Variants in ITSN1 observed in about 807,000 individuals in gnomAD.
ITSN1 encodes the protein intersectin 1.
A neutral mutation model predicts 239.8 loss-of-function variants in ITSN1; 58 were observed. The ratio of observed to expected loss-of-function variants is 0.24; its 90% CI spans 0.20 to 0.30. The LOEUF (loss-of-function observed/expected upper bound fraction) is 0.30. ITSN1 is among the 10% of genes least tolerant of loss of function. The pLI, the probability that ITSN1 is intolerant of heterozygous loss-of-function variation, is 1.00. For missense variants in ITSN1, 1,558 were observed against 2,103.3 expected (o/e 0.74, Z 5.07); for synonymous variants, 780 against 770.8 (o/e 1.01, Z -0.20).
In ITSN1 at chr21:33,865,328, C is replaced by T. The variant is rs143203952; in HGVS notation, c.4068C>T (p.Phe1356=). The change falls in exon 32 of 40, where the codon TTC becomes TTT. Residue 1356 remains phenylalanine, a synonymous_variant. Transcript: ENST00000381318. The surrounding 1 kb of genome is among the most constrained non-coding windows in gnomAD (Gnocchi z 4.4). ...ATGAGGCCCCAGACTTCAAGGAGTT[C>T]GTCAAAGTAAGGAGCCAGGCTGTGC... ...KTDEAPDFKE[F]VKRLAMDPRC... 30 of 1,560,022 alleles carry T rather than the reference C, an allele frequency of 1.9e-5. No individual in the cohort carries two copies. Among genetic ancestry groups the T allele is most frequent in the South Asian group, 1.4e-4 (12 of 83,906 alleles).
At chr21:33,793,120 G>T (rs1160920554) in intron 16 of ITSN1, among the ~76,000 whole-genome samples, 2 of 152,182 alleles carry the variant, frequency 1.3e-5, no homozygotes, top group African/African-American at 4.8e-5. Flanking sequence ...GTAGGAAAAG[G>T]TTAGCCTAAC....
At chr21:33,673,678 C>T (rs2146414758) in intron 1 of ITSN1, among the ~76,000 whole-genome samples, 1 of 152,306 alleles carries the variant, frequency 6.6e-6, no homozygotes, top group South Asian at 2.1e-4. Context: ...AGCTGTTTGT[C>T]CTCAGCTCAT....
chr21:33,829,302 T>C (rs765550380), intron 26 of ITSN1: 183 of 352,554 alleles, frequency 5.2e-4, no homozygotes, highest in Non-Finnish European at 8.3e-4. Flanking sequence ...TGGGTAATTA[T>C]GGGAGGGGTG....
At chr21:33,780,508 T>C (rs894682192) in intron 14 of ITSN1, among the ~76,000 whole-genome samples, 10 of 152,202 alleles carry the variant, frequency 6.6e-5, no homozygotes, top group Non-Finnish European at 1.2e-4. Flanking sequence ...GCTTCTAAAT[T>C]CTAGCTATTG....
chr21:33,656,733 CAG>C (rs1197935881), intron 1 of ITSN1, among the ~76,000 whole-genome samples: 3 of 152,194 alleles, frequency 2.0e-5, no homozygotes, highest in Admixed American at 6.5e-5. Context: ...ATTTATTTGG[CAG>C]AGTCTCACTC....
intron 25 of ITSN1, among the ~76,000 whole-genome samples, chr21:33,825,772 T>C (rs2073942337): frequency 6.6e-6 from 1 of 152,238 alleles, no homozygotes; most frequent in African/African-American, 2.4e-5. Context: ...AGTGAGAGAT[T>C]GCTTTTGTAT....
chr21:33,869,719 T>C (rs1602659038), intron 33 of ITSN1, among the ~76,000 whole-genome samples: 1 of 152,190 alleles, frequency 6.6e-6, no homozygotes, highest in African/African-American at 2.4e-5. Flanking sequence ...TTAGATCTGG[T>C]TCCTTTTAAT....
At position 33,735,125 on chromosome 21, in the gene ITSN1, A is replaced by G; in HGVS notation, c.267A>G (p.Leu89=). 1.9e-6 allele frequency: 3 copies of G among 1,613,992 alleles called. No homozygotes were observed. Among genetic ancestry groups the G allele is most frequent in the Non-Finnish European group, 1.7e-6 (2 of 1,179,858 alleles). The change falls in exon 5 of 40, where the codon CTA becomes CTG. Residue 89 remains leucine (L), a synonymous_variant. Transcript: ENST00000381318. ...SIAMKLIKLK[L]QGYQLPSALP... Reference sequence around the variant, plus strand: ...CTATGAAACTTATCAAACTGAAGCTACAAGGATATCAGCTACCCTCTGCAC... The same window carrying G: ...CTATGAAACTTATCAAACTGAAGCTGCAAGGATATCAGCTACCCTCTGCAC...
intron 1 of ITSN1, among the ~76,000 whole-genome samples, chr21:33,690,791 A>ATATATATATATATATATATATACG (rs2091486902): frequency 1.2e-4 from 1 of 8,034 alleles, no homozygotes; most frequent in Middle Eastern, 0.042. Flanking sequence ...ATATATATAC[A>ATATATATATATATATATATATACG]TATATATATA....
chr21:33,886,139 G>A, intron 38 of ITSN1, 148 bp from the exon 39 acceptor site: 1 of 621,222 alleles, frequency 1.6e-6, no homozygotes. Context: ...TTGAGCTCAG[G>A]AGGTGGAGGT....
At chr21:33,727,855 C>T (rs973382026) in intron 4 of ITSN1, among the ~76,000 whole-genome samples, 1 of 152,140 alleles carries the variant, frequency 6.6e-6, no homozygotes, top group African/African-American at 2.4e-5. Flanking sequence ...TTCTTTCCTA[C>T]TGCTACCATC....
At chr21:33,849,832 GCTC>G (rs2148457218) in intron 29 of ITSN1, among the ~76,000 whole-genome samples, 1 of 152,146 alleles carries the variant, frequency 6.6e-6, no homozygotes, top group Non-Finnish European at 1.5e-5. Context: ...AAACCAACAG[GCTC>G]CTCCTTCATA....
chr21:33,733,330 A>G (rs1350903290), intron 4 of ITSN1, among the ~76,000 whole-genome samples: 4 of 152,192 alleles, frequency 2.6e-5, no homozygotes, highest in African/African-American at 9.6e-5. Flanking sequence ...TGGGAAAGCT[A>G]GGAATCCATG....
chr21:33,823,086 T>G (rs2073783234), intron 24 of ITSN1, among the ~76,000 whole-genome samples: 1 of 152,254 alleles, frequency 6.6e-6, no homozygotes, highest in Non-Finnish European at 1.5e-5. Context: ...AGCCTGCATA[T>G]GAATGCATCT....
chr21:33,819,079 T>G (rs1230298093), intron 23 of ITSN1, among the ~76,000 whole-genome samples, 162 bp from the exon 24 acceptor site: 1 of 112,604 alleles, frequency 8.9e-6, no homozygotes, highest in Non-Finnish European at 2.2e-5. Context: ...CATGCCTCTG[T>G]AGTACCTTAT....
At chr21:33,834,114 C>A (rs554624920) in intron 27 of ITSN1, among the ~76,000 whole-genome samples, 193 bp from the exon 28 acceptor site, 1 of 152,244 alleles carries the variant, frequency 6.6e-6, no homozygotes, top group East Asian at 1.9e-4. Flanking sequence ...GCTTTGCTGA[C>A]CAGTGATTGC....
chr21:33,670,318 A>G (rs2090187412), intron 1 of ITSN1, among the ~76,000 whole-genome samples: 1 of 152,148 alleles, frequency 6.6e-6, no homozygotes, highest in East Asian at 1.9e-4. Flanking sequence ...TTATGTCATG[A>G]CACTCTAGCC....
chr21:33,696,633 A>G (rs2091807210), intron 1 of ITSN1, among the ~76,000 whole-genome samples: 1 of 152,202 alleles, frequency 6.6e-6, no homozygotes, highest in South Asian at 2.1e-4. Context: ...CTTTCAGCCC[A>G]TATTTAATTC....
chr21:33,866,580 G>T (rs943423715), intron 32 of ITSN1, among the ~76,000 whole-genome samples: 4 of 152,022 alleles, frequency 2.6e-5, no homozygotes, highest in African/African-American at 9.7e-5. Context: ...GAATGATGGT[G>T]TCCACAGCTG....
Sources: allele counts gnomAD v4.1 joint callset (sites outside exome capture counted in the v4.1 genomes callset), GRCh38; gene constraint gnomAD v4.1.1; non-coding constraint Gnocchi (gnomAD v3.1); transcripts MANE v1.5; gene names NCBI Gene and HGNC (gene_info 2026-07-23, HGNC 2026-07-21).